CLSTN2: variants seen among roughly 807,000 people sequenced by gnomAD.
CLSTN2 encodes the protein calsyntenin-2.
Under a neutral mutation model 101.2 loss-of-function variants are expected in CLSTN2, and 48 were observed. That is an observed-to-expected ratio of 0.47 (90% confidence interval 0.38 to 0.60). The LOEUF is 0.60. Among genes scored for constraint, CLSTN2 ranks in the 20% least tolerant of loss-of-function variants. The probability of loss-of-function intolerance (pLI) is 0.00; values close to 1 mark genes in which losing one functional copy is unlikely to be tolerated. For missense variants in CLSTN2, 1,160 were observed against 1,238.2 expected, an observed-to-expected ratio of 0.94 and a Z score of 0.95; for synonymous variants, 481 against 463.6, an observed-to-expected ratio of 1.04 and a Z score of -0.48.
chr3:140,158,703 C>CA (rs1403004211), intron 1 of CLSTN2, among the ~76,000 whole-genome samples: 1 of 151,864 alleles, frequency 6.6e-6, no homozygotes, highest in African/African-American at 2.4e-5. Flanking sequence ...TATATGGAAC[C>CA]AAAAAAGAGC....
intron 2 of CLSTN2, among the ~76,000 whole-genome samples, chr3:140,211,413 C>CACACACACACACACACACAT (rs2010853232): frequency 1.3e-5 from 2 of 148,194 alleles, no homozygotes; most frequent in Non-Finnish European, 1.5e-5. Flanking sequence ...CACACACACA[C>CACACACACACACACACACAT]ACACACACAC....
chr3:140,092,803 T>C (rs1200972402), intron 1 of CLSTN2, among the ~76,000 whole-genome samples: 1 of 152,176 alleles, frequency 6.6e-6, no homozygotes, highest in Non-Finnish European at 1.5e-5. Flanking sequence ...GCAATCCTCC[T>C]GCAAGCTCCT....
At chr3:140,169,902 A>C (rs1008280313) in intron 1 of CLSTN2, among the ~76,000 whole-genome samples, 2 of 152,102 alleles carry the variant, frequency 1.3e-5, no homozygotes, top group Non-Finnish European at 2.9e-5. Context: ...TGCATACATC[A>C]TTTCATGCAA....
At chr3:139,945,448 C>T (rs1576372185) in intron 1 of CLSTN2, among the ~76,000 whole-genome samples, 2 of 152,302 alleles carry the variant, frequency 1.3e-5, no homozygotes, top group South Asian at 2.1e-4. Context: ...GCTTAAACCC[C>T]AAAACAAAAC....
intron 1 of CLSTN2, among the ~76,000 whole-genome samples, chr3:140,096,636 T>C (rs557649614): frequency 2.8e-4 from 42 of 152,192 alleles, no homozygotes; most frequent in Admixed American, 1.0e-3. Context: ...TAGCTGGTCA[T>C]GTGCTTCACT....
intron 2 of CLSTN2, among the ~76,000 whole-genome samples, chr3:140,242,775 T>C (rs1276241912): frequency 6.6e-6 from 1 of 152,200 alleles, no homozygotes; most frequent in Non-Finnish European, 1.5e-5. Flanking sequence ...GAGTCCTTGC[T>C]GCCCAATGGC....
chr3:140,052,050 A>G (rs2008007116), intron 1 of CLSTN2, among the ~76,000 whole-genome samples: 1 of 152,200 alleles, frequency 6.6e-6, no homozygotes, highest in Non-Finnish European at 1.5e-5. Flanking sequence ...GTTTGAGATC[A>G]ATTGGTCCAG....
rs144586043 is a variant in CLSTN2, at chr3:140,030,007, C to T, written c.109+94524C>T. 1.7e-3 allele frequency among the ~76,000 whole-genome samples: 258 copies of T among 152,290 alleles called. 3 individuals are homozygous for T. The highest frequency in any genetic ancestry group is 0.014 in the Admixed American group (220 of 15,292). ...GGTCATGGTTTCAGCTGATTCTCTTCGCATCTCATCTTGGTCCTTTGCTTT... is the reference window on the plus strand; with the variant it reads ...GGTCATGGTTTCAGCTGATTCTCTTTGCATCTCATCTTGGTCCTTTGCTTT... On this transcript the variant is annotated intron_variant, in intron 1 of 16. Coordinates refer to ENST00000458420, the MANE Select transcript of CLSTN2 (RefSeq NM_022131.3).
intron 8 of CLSTN2, among the ~76,000 whole-genome samples, chr3:140,477,258 A>T (rs1219094823): frequency 1.3e-5 from 2 of 152,132 alleles, no homozygotes; most frequent in Non-Finnish European, 2.9e-5. Context: ...CTTTAATTAT[A>T]CCTCTAAATA....
At chr3:140,312,476 G>A (rs2087179850) in intron 2 of CLSTN2, among the ~76,000 whole-genome samples, 1 of 152,200 alleles carries the variant, frequency 6.6e-6, no homozygotes, top group African/African-American at 2.4e-5. Context: ...TGACAGCCAT[G>A]GTTATCATCT....
chr3:140,245,379 G>A (rs544985951), intron 2 of CLSTN2, among the ~76,000 whole-genome samples: 2,132 of 152,212 alleles, frequency 0.014, 52 homozygotes, highest in African/African-American at 0.048. Context: ...CAGAAATGAA[G>A]AAGACCAAGC....
At chr3:140,313,226 G>A (rs781205390) in intron 2 of CLSTN2, among the ~76,000 whole-genome samples, 4 of 152,128 alleles carry the variant, frequency 2.6e-5, no homozygotes, top group Non-Finnish European at 5.9e-5. Flanking sequence ...CCCCATGTCA[G>A]ATGTCCTAAA....
intron 12 of CLSTN2, among the ~76,000 whole-genome samples, chr3:140,561,191 T>G (rs1015592707): frequency 3.2e-4 from 49 of 152,010 alleles, no homozygotes; most frequent in Admixed American, 1.0e-3. Context: ...TCTTCACAAG[T>G]TTTTCAATAA....
chr3:140,444,994 G>T (rs918964894), intron 5 of CLSTN2, among the ~76,000 whole-genome samples: 4 of 152,140 alleles, frequency 2.6e-5, no homozygotes, highest in South Asian at 2.1e-4. Flanking sequence ...TTGTGTGAGC[G>T]TCTCACTCTC....
intron 2 of CLSTN2, among the ~76,000 whole-genome samples, chr3:140,204,826 C>A (rs112570696): frequency 7.2e-5 from 11 of 152,202 alleles, no homozygotes; most frequent in African/African-American, 2.7e-4. Context: ...AGCTGAACTG[C>A]AGTGGAGGTT....
rs1264902104 is a variant in CLSTN2 at position 140,269,154 on chromosome 3, A to G, written c.232+93081A>G. 2.0e-5 allele frequency among the ~76,000 whole-genome samples: 3 copies of G among 152,134 alleles called. No homozygotes were observed. The East Asian group carries it at 5.8e-4, about 29-fold the overall frequency. ...AGAGACTCCTTGTTTTCAGAACTTT[A>G]GTTAAGAGGAAGATTTTCCATGGAT... is the stretch of plus-strand genomic sequence containing the variant. On this transcript the variant is annotated intron_variant, in intron 2 of 16. Coordinates refer to ENST00000458420, the MANE Select transcript of CLSTN2 (RefSeq NM_022131.3).
At chr3:140,002,326 C>A (rs941908189) in intron 1 of CLSTN2, among the ~76,000 whole-genome samples, 1 of 152,104 alleles carries the variant, frequency 6.6e-6, no homozygotes, top group Non-Finnish European at 1.5e-5. Context: ...TGTTAAGCAC[C>A]TTTTCATATG....
chr3:140,449,620 G>A (rs562036905), intron 6 of CLSTN2: 1 of 152,252 alleles, frequency 6.6e-6, no homozygotes, highest in East Asian at 1.9e-4. Flanking sequence ...CATGGCAATT[G>A]TCAACTGTCG....
At chr3:139,981,068 T>A (rs1409512599) in intron 1 of CLSTN2, among the ~76,000 whole-genome samples, 1 of 152,046 alleles carries the variant, frequency 6.6e-6, no homozygotes, top group Admixed American at 6.6e-5. Context: ...GATTGGGCAA[T>A]CAAAGCTATC....
Sources: gnomAD v4.1 joint callset for allele counts (sites outside exome capture counted in the v4.1 genomes callset) on GRCh38, gnomAD v4.1.1 for gene constraint, MANE v1.5 for transcripts, NCBI Gene and HGNC (gene_info 2026-07-23, HGNC 2026-07-21) for gene names.